NCOA1: variants seen among roughly 807,000 people sequenced by gnomAD.
The protein encoded by NCOA1 is Hin-2 protein.
A neutral mutation model predicts 150.9 loss-of-function variants in NCOA1; 35 were observed. That is an observed-to-expected ratio of 0.23 (90% CI 0.18 to 0.31). The LOEUF is 0.31. NCOA1 is among the 10% of genes least tolerant of loss of function. The pLI, the probability that NCOA1 is intolerant of heterozygous loss-of-function variation, is 1.00. For synonymous variants in NCOA1, 590 were observed against 630.0 expected (o/e 0.94, Z 0.95); for missense variants, 1,491 against 1,749.3 (o/e 0.85, Z 2.63).
chr2:24,693,502 T>A (rs1406795393), intron 10 of NCOA1, among the ~76,000 whole-genome samples, 155 bp downstream of exon 10: 1 of 152,208 alleles, frequency 6.6e-6, no homozygotes, highest in African/African-American at 2.4e-5. Context: ...CTCTTGAGAT[T>A]ATACAATTTA....
chr2:24,511,884 A>G (rs187104601), intron 1 of NCOA1, among the ~76,000 whole-genome samples: 4 of 152,174 alleles, frequency 2.6e-5, no homozygotes, highest in Admixed American at 6.5e-5. Context: ...ATTTTTCTAT[A>G]TGGTATGAGT....
chr2:24,633,669 G>A (rs1669806305), intron 3 of NCOA1, among the ~76,000 whole-genome samples: 1 of 152,152 alleles, frequency 6.6e-6, no homozygotes, highest in African/African-American at 2.4e-5. Flanking sequence ...ATTTGATAGG[G>A]TAAATTAATT....
At chr2:24,583,026 C>T (rs1465965798) in intron 2 of NCOA1, among the ~76,000 whole-genome samples, 9 of 152,092 alleles carry the variant, frequency 5.9e-5, no homozygotes, top group African/African-American at 2.2e-4. Context: ...CTGGCTAAGA[C>T]TTCAAATGCA....
intron 3 of NCOA1, among the ~76,000 whole-genome samples, chr2:24,619,600 A>C (rs1303097846): frequency 6.6e-6 from 1 of 152,160 alleles, no homozygotes; most frequent in Non-Finnish European, 1.5e-5. Context: ...GTTAACCAAT[A>C]AACTGACTGG....
intron 13 of NCOA1, 94 bp from the exon 14 acceptor site, chr2:24,710,837 A>T: frequency 8.4e-7 from 1 of 1,190,262 alleles, no homozygotes; most frequent in Non-Finnish European, 1.2e-6. Flanking sequence ...AGTCACACTG[A>T]ATTCATAGAG....
chr2:24,756,604 A>G (rs1424405359), intron 20 of NCOA1, among the ~76,000 whole-genome samples: 1 of 152,224 alleles, frequency 6.6e-6, no homozygotes. Flanking sequence ...TCTAAAATCA[A>G]ATTCTATAGA....
intron 14 of NCOA1, among the ~76,000 whole-genome samples, chr2:24,722,593 A>G (rs1383897771): frequency 2.0e-5 from 3 of 152,176 alleles, no homozygotes; most frequent in Non-Finnish European, 4.4e-5. Flanking sequence ...GAATTCCAAA[A>G]ATATTTAAGC....
chr2:24,537,806 T>C (rs1022683006), intron 1 of NCOA1, among the ~76,000 whole-genome samples: 1 of 152,128 alleles, frequency 6.6e-6, no homozygotes, highest in African/African-American at 2.4e-5. Context: ...TTTCTATCTA[T>C]CTATATATAT....
At chr2:24,537,239 T>TATAC (rs375793894) in intron 1 of NCOA1, among the ~76,000 whole-genome samples, 14 of 148,760 alleles carry the variant, frequency 9.4e-5, no homozygotes, top group African/African-American at 3.5e-4. Context: ...CTGTGATACA[T>TATAC]ACACACACAC....
At chr2:24,491,745 C>G (rs1261531602) in intron 1 of NCOA1, among the ~76,000 whole-genome samples, 143 bp downstream of exon 1, 1 of 151,444 alleles carries the variant, frequency 6.6e-6, no homozygotes, top group Non-Finnish European at 1.5e-5. Context: ...CCTCCTCCCA[C>G]TTCCCCGAGT....
intron 17 of NCOA1, among the ~76,000 whole-genome samples, chr2:24,737,798 T>C (rs1277023379): frequency 2.6e-5 from 4 of 152,196 alleles, no homozygotes; most frequent in African/African-American, 9.7e-5. Flanking sequence ...TGCCACTCAA[T>C]AGGGAACGGA....
At chr2:24,562,983 T>C (rs943629409) in intron 1 of NCOA1, among the ~76,000 whole-genome samples, 1 of 152,182 alleles carries the variant, frequency 6.6e-6, no homozygotes, top group Non-Finnish European at 1.5e-5. Context: ...GGTCTGGAAG[T>C]GTCACTCTGG....
intron 17 of NCOA1, among the ~76,000 whole-genome samples, chr2:24,732,297 CAGAGT>C (rs1432297535): frequency 6.7e-6 from 1 of 150,374 alleles, no homozygotes; most frequent in Admixed American, 6.6e-5. Flanking sequence ...GGTAACCTAA[CAGAGT>C]AAAGTATCCA....
chr2:24,629,449 T>G (rs1311823900), intron 3 of NCOA1, among the ~76,000 whole-genome samples: 3 of 149,552 alleles, frequency 2.0e-5, no homozygotes, highest in Non-Finnish European at 1.5e-5. Context: ...ACAAAATAAC[T>G]CTGGGTTGAC....
At chr2:24,515,983 T>C (rs920264461) in intron 1 of NCOA1, among the ~76,000 whole-genome samples, 2 of 152,110 alleles carry the variant, frequency 1.3e-5, no homozygotes, top group Non-Finnish European at 2.9e-5. Flanking sequence ...TTCTGCTCTT[T>C]GTTAGTGCCT....
At chr2:24,596,811 C>G (rs140720019) in intron 3 of NCOA1, among the ~76,000 whole-genome samples, 10 of 152,082 alleles carry the variant, frequency 6.6e-5, no homozygotes, top group African/African-American at 2.4e-4. Flanking sequence ...TAAAGACTTA[C>G]GCCATTCTAC....
intron 22 of NCOA1, among the ~76,000 whole-genome samples, chr2:24,763,712 C>A (rs1433562418): frequency 1.3e-5 from 2 of 148,582 alleles, no homozygotes; most frequent in Non-Finnish European, 3.0e-5. Context: ...CCTGCGCCCC[C>A]TGGGTTCAAG....
At chr2:24,571,661 G>T (rs780182803) in intron 2 of NCOA1, among the ~76,000 whole-genome samples, 7 of 152,056 alleles carry the variant, frequency 4.6e-5, no homozygotes, top group Non-Finnish European at 8.8e-5. Flanking sequence ...CTCTTAGTGC[G>T]CTGGCCAAGG....
At chr2:24,687,415 T>G (rs1672456958) in intron 8 of NCOA1, among the ~76,000 whole-genome samples, 1 of 152,098 alleles carries the variant, frequency 6.6e-6, no homozygotes, top group South Asian at 2.1e-4. Flanking sequence ...GTTTGTTATA[T>G]AGGTAAACTC....
Sources: allele counts gnomAD v4.1 joint callset (sites outside exome capture counted in the v4.1 genomes callset), GRCh38; gene constraint gnomAD v4.1.1; transcripts MANE v1.5; gene names NCBI Gene and HGNC (gene_info 2026-07-23, HGNC 2026-07-21).